The following EFCAB13 variants were observed in gnomAD, a reference collection of about 807,000 sequenced individuals.
EFCAB13 encodes the protein EF-hand calcium binding domain 13.
Under a neutral mutation model 110.2 loss-of-function variants are expected in EFCAB13, and 91 were observed. The observed-to-expected ratio is 0.83, with a 90% CI of 0.70 to 0.98. The LOEUF (loss-of-function observed/expected upper bound fraction) is 0.98. EFCAB13 is among the 50% of genes least tolerant of loss of function. The pLI, the probability that EFCAB13 is intolerant of heterozygous loss-of-function variation, is 0.00. For missense variants in EFCAB13, 968 were observed against 1,119.4 expected, an observed-to-expected ratio of 0.86 and a Z score of 1.93; for synonymous variants, 323 against 369.9, an observed-to-expected ratio of 0.87 and a Z score of 1.45.
rs1286072446 is a variant in EFCAB13 at position 47,402,134 on chromosome 17, G to A, written c.1948G>A (p.Gly650Ser). 6.2e-7 allele frequency: 1 copy of A among 1,613,720 alleles called. No individual in the cohort carries two copies. The highest frequency in any genetic ancestry group is 1.7e-5 in the Admixed American group (1 of 60,016). ...ATTAAAAGTGTTTTTTCTCACAGAA[G>A]GTGACAAAGTACAATTTGAAGAATT... Reference protein sequence around the residue: ...AALELVTVDEGDKVQFEEFAK... With the variant: ...AALELVTVDESDKVQFEEFAK... Residue 650 changes from glycine (G) to serine (S), a missense_variant and splice_region_variant, in exon 18 of 25, where the codon GGT (glycine) becomes AGT (serine). Physicochemically the swap from Gly to Ser is moderately conservative, Grantham distance 56. Transcript: ENST00000331493.
intron 5 of EFCAB13, among the ~76,000 whole-genome samples, chr17:47,337,605 A>C (rs1267835909): frequency 6.6e-6 from 1 of 152,206 alleles, no homozygotes; most frequent in African/African-American, 2.4e-5. Flanking sequence ...ACTTTTGTTT[A>C]CCTAAATAAG....
At chr17:47,344,345 T>C in intron 7 of EFCAB13, 53 bp downstream of exon 7, 1 of 1,573,302 alleles carries the variant, frequency 6.4e-7, no homozygotes, top group Non-Finnish European at 8.7e-7. Context: ...GACTTGGGTG[T>C]TTCTCTCCAG....
intron 9 of EFCAB13, among the ~76,000 whole-genome samples, 194 bp downstream of exon 9, chr17:47,348,145 C>G (rs894103168): frequency 6.6e-6 from 1 of 151,172 alleles, no homozygotes; most frequent in African/African-American, 2.4e-5. Flanking sequence ...GAAAATTGGC[C>G]TCAGGTTTAT....
At chr17:47,325,905 T>A (rs893435144) in intron 2 of EFCAB13, among the ~76,000 whole-genome samples, 11 of 128,138 alleles carry the variant, frequency 8.6e-5, no homozygotes, top group Non-Finnish European at 1.5e-4. Context: ...AGGGCAGATT[T>A]TATATATATA....
intron 5 of EFCAB13, among the ~76,000 whole-genome samples, chr17:47,339,363 A>T (rs2065370437): frequency 6.6e-6 from 1 of 152,032 alleles, no homozygotes; most frequent in Admixed American, 6.6e-5. Context: ...GGGGATGGGG[A>T]GGAGGCAGGG....
At position 47,431,738 on chromosome 17, in the gene EFCAB13, G is replaced by A. The variant is rs1311231267; in HGVS notation, c.2638+1777G>A. 6.6e-6 allele frequency among the ~76,000 whole-genome samples: 1 copy of A among 152,148 alleles called. No individual in the cohort carries two copies. Among genetic ancestry groups the A allele is most frequent in the Non-Finnish European group, 1.5e-5 (1 of 68,026 alleles). On this transcript the variant is annotated intron_variant, in intron 24 of 24. Transcript: ENST00000331493. The surrounding 1 kb of genome is among the most constrained non-coding windows in gnomAD (Gnocchi z 4.1). The stretch of plus-strand genomic sequence containing the variant: ...GATTGAGAAGAATATATAGTCTGCA[G>A]TTGGGTTGGGTGAGAGTGTTCTATA...
At chr17:47,420,785 G>A (rs1315623500) in intron 23 of EFCAB13, among the ~76,000 whole-genome samples, 9 of 152,260 alleles carry the variant, frequency 5.9e-5, no homozygotes, top group African/African-American at 1.2e-4. Context: ...GAGCGTCTCC[G>A]CCTGGCAGCC....
chr17:47,417,911 A>G (rs4114872), intron 23 of EFCAB13, among the ~76,000 whole-genome samples: 16 of 152,308 alleles, frequency 1.1e-4, no homozygotes, highest in African/African-American at 3.4e-4. Context: ...ATGGGCCTTT[A>G]AAGGCTCTTA....
At chr17:47,340,530 T>C (rs2065378084) in intron 5 of EFCAB13, among the ~76,000 whole-genome samples, 2 of 152,078 alleles carry the variant, frequency 1.3e-5, no homozygotes, top group Admixed American at 1.3e-4. Context: ...AGAAATATTC[T>C]AGCTAATGAT....
intron 20 of EFCAB13, 57 bp downstream of exon 20, chr17:47,404,690 TCACC>T: frequency 7.3e-7 from 1 of 1,367,164 alleles, no homozygotes; most frequent in African/African-American, 1.4e-5. Context: ...TATTCAAAGT[TCACC>T]TAGTAAAACC....
intron 23 of EFCAB13, among the ~76,000 whole-genome samples, chr17:47,416,390 T>G (rs1264203075): frequency 6.6e-6 from 1 of 152,192 alleles, no homozygotes; most frequent in Non-Finnish European, 1.5e-5. Context: ...TATTTTTTTG[T>G]GTCTAACTTC....
At chr17:47,336,867 A>C (rs1567780410) in intron 5 of EFCAB13, among the ~76,000 whole-genome samples, 1 of 152,108 alleles carries the variant, frequency 6.6e-6, no homozygotes, top group Non-Finnish European at 1.5e-5. Context: ...TATTATTTAT[A>C]AAATGACTAA....
chr17:47,344,286 TTAC>T lies in EFCAB13; in HGVS notation c.430_432del (p.Thr144del). 1 of 1,611,814 alleles carries T rather than the reference TTAC, an allele frequency of 6.2e-7. No individual in the cohort carries two copies. The highest frequency in any genetic ancestry group is 8.5e-7 in the Non-Finnish European group (1 of 1,178,620). ...TCACCTCTTTGTACATCTTCTGCAA[TTAC>T]TCGGTATTTAAATCCTTGTACTCTA... On this transcript the variant is annotated inframe_deletion, in exon 7 of 25. Coordinates refer to ENST00000331493, the MANE Select transcript of EFCAB13 (RefSeq NM_152347.5).
At chr17:47,425,003 C>A (rs983981057) in intron 23 of EFCAB13, among the ~76,000 whole-genome samples, 7 of 145,590 alleles carry the variant, frequency 4.8e-5, no homozygotes, top group Admixed American at 4.1e-4. Context: ...CTGCCTCAGC[C>A]TCCCGAGTAG....
chr17:47,327,871 G>A (rs1005884032), intron 3 of EFCAB13, among the ~76,000 whole-genome samples: 4 of 152,158 alleles, frequency 2.6e-5, no homozygotes, highest in African/African-American at 7.2e-5. Flanking sequence ...CTATTTGCTG[G>A]CTGTGTGATC....
intron 23 of EFCAB13, among the ~76,000 whole-genome samples, chr17:47,416,063 T>A (rs1904432273): frequency 6.6e-6 from 1 of 152,176 alleles, no homozygotes; most frequent in East Asian, 1.9e-4. Context: ...ATTTTTTACA[T>A]TTTAATATCT....
At chr17:47,340,144 T>TA (rs1225213126) in intron 5 of EFCAB13, 2 of 152,160 alleles carry the variant, frequency 1.3e-5, no homozygotes, top group African/African-American at 4.8e-5. Flanking sequence ...TTAGAGGTTA[T>TA]AAGTGAGCCA....
In EFCAB13 at chr17:47,440,507, G is replaced by T; in HGVS notation, c.2715G>T (p.Lys905Asn). ...TGACAATTCCTAAAGCTGCAGGTAA[G>T]TTTTATTTAATATGTACTTATTGCC... ...DILTIPKAAG[K>N]FYLICTYCPD... Residue 905 changes from lysine to asparagine, a missense_variant, in exon 25 of 25, where the codon AAG becomes AAT. Lys to Asn is a moderately conservative substitution (Grantham distance 94). Coordinates refer to ENST00000331493, the MANE Select transcript of EFCAB13 (RefSeq NM_152347.5). 2 of 1,612,152 alleles carry T rather than the reference G, an allele frequency of 1.2e-6. No individual in the cohort carries two copies. Among genetic ancestry groups the T allele is most frequent in the Non-Finnish European group, 1.7e-6 (2 of 1,179,356 alleles).
chr17:47,380,677 T>TTAA (rs758175641), intron 14 of EFCAB13, among the ~76,000 whole-genome samples: 1 of 152,148 alleles, frequency 6.6e-6, no homozygotes, highest in Non-Finnish European at 1.5e-5. Flanking sequence ...AATGGTTGAA[T>TTAA]TAATTTACAT....
Sources: gnomAD v4.1 joint callset for allele counts (sites outside exome capture counted in the v4.1 genomes callset) on GRCh38, gnomAD v4.1.1 for gene constraint, Gnocchi (gnomAD v3.1) non-coding constraint, MANE v1.5 for transcripts, NCBI Gene and HGNC (gene_info 2026-07-23, HGNC 2026-07-21) for gene names.